DPP6: variants seen among roughly 807,000 people sequenced by gnomAD.
DPP6 encodes the protein dipeptidyl peptidase like 6, also known as A-type potassium channel modulatory protein DPP6.
In DPP6, 69 loss-of-function variants were observed where a neutral mutation model predicts 122.6. That is an observed-to-expected ratio of 0.56 (90% CI 0.46 to 0.69). DPP6 has a LOEUF of 0.69. DPP6 is among the 30% of genes least tolerant of loss of function. The pLI is 0.00. For missense variants in DPP6, 928 were observed against 1,116.9 expected, an observed-to-expected ratio of 0.83 and a Z score of 2.41; for synonymous variants, 418 against 433.1, an observed-to-expected ratio of 0.97 and a Z score of 0.43.
At chr7:154,182,391 C>T (rs922178214) in intron 1 of DPP6, among the ~76,000 whole-genome samples, 3 of 152,268 alleles carry the variant, frequency 2.0e-5, no homozygotes, top group African/African-American at 4.8e-5. Context: ...CTGTCCCCCT[C>T]CTCATGCTGG....
intron 1 of DPP6, among the ~76,000 whole-genome samples, chr7:153,983,059 C>T (rs1796672670): frequency 6.6e-6 from 1 of 152,210 alleles, no homozygotes; most frequent in African/African-American, 2.4e-5. Context: ...TGTCCCTTAG[C>T]AGAGCTTGAG....
chr7:154,443,931 G>A (rs191391313), intron 1 of DPP6, among the ~76,000 whole-genome samples: 41 of 152,160 alleles, frequency 2.7e-4, no homozygotes, highest in African/African-American at 8.9e-4. Flanking sequence ...TCAGTGTGCC[G>A]GGGGACAACC....
chr7:154,700,921 C>G (rs1433061685), intron 7 of DPP6, among the ~76,000 whole-genome samples: 1 of 152,138 alleles, frequency 6.6e-6, no homozygotes, highest in Non-Finnish European at 1.5e-5. Context: ...AGAGACCTTC[C>G]CATCAGACAG....
At chr7:154,526,629 A>G (rs1371939387) in intron 3 of DPP6, among the ~76,000 whole-genome samples, 1 of 152,214 alleles carries the variant, frequency 6.6e-6, no homozygotes, top group East Asian at 1.9e-4. Flanking sequence ...ACAGTTCTAG[A>G]TTATAAATAT....
chr7:154,202,323 G>A (rs193125564), intron 1 of DPP6, among the ~76,000 whole-genome samples: 3 of 152,264 alleles, frequency 2.0e-5, no homozygotes, highest in Non-Finnish European at 4.4e-5. Context: ...GTAAAAATAC[G>A]GTGACAATAA....
intron 1 of DPP6, among the ~76,000 whole-genome samples, chr7:154,194,033 AT>A (rs1270466476): frequency 6.6e-6 from 1 of 152,208 alleles, no homozygotes; most frequent in Non-Finnish European, 1.5e-5. Context: ...GTCTAGGAAA[AT>A]GGGTGACTCG....
chr7:153,770,028 A>T, the DPP6 span, among the ~76,000 whole-genome samples: 1 of 152,120 alleles, frequency 6.6e-6, no homozygotes, highest in Non-Finnish European at 1.5e-5. Context: ...ATTCACAGGG[A>T]AGCCTGGGAA....
intron 3 of DPP6, among the ~76,000 whole-genome samples, chr7:154,500,986 C>T (rs1457183053): frequency 6.6e-6 from 1 of 152,190 alleles, no homozygotes; most frequent in Non-Finnish European, 1.5e-5. Context: ...CTGAGGTGGT[C>T]TCAGACAGAG....
chr7:154,175,720 G>GTTT, intron 1 of DPP6, among the ~76,000 whole-genome samples: 1 of 108,324 alleles, frequency 9.2e-6, no homozygotes. Flanking sequence ...CTGGAGACTG[G>GTTT]CTTTTTTTTT....
intron 3 of DPP6, among the ~76,000 whole-genome samples, chr7:154,531,349 C>T (rs537330540): frequency 6.6e-6 from 1 of 152,008 alleles, no homozygotes; most frequent in South Asian, 2.1e-4. Flanking sequence ...CCATGGTGAC[C>T]AGAAGAGAGT....
intron 1 of DPP6, among the ~76,000 whole-genome samples, chr7:154,150,292 C>T (rs1796344651): frequency 6.6e-6 from 1 of 152,192 alleles, no homozygotes; most frequent in African/African-American, 2.4e-5. Context: ...GCCCTCAGCA[C>T]TTGGGCACCC....
intron 1 of DPP6, among the ~76,000 whole-genome samples, chr7:154,314,364 ATCT>A (rs1321211014): frequency 6.6e-6 from 1 of 152,220 alleles, no homozygotes; most frequent in South Asian, 2.1e-4. Context: ...TGCTACTTGA[ATCT>A]TCTTATTTTC....
chr7:154,129,370 C>T (rs1454991851), intron 1 of DPP6, among the ~76,000 whole-genome samples: 2 of 152,090 alleles, frequency 1.3e-5, no homozygotes, highest in African/African-American at 2.4e-5. Context: ...AAACTGTGGA[C>T]CAGAGTTCAT....
chr7:154,039,334 G>A (rs576589553), intron 1 of DPP6, among the ~76,000 whole-genome samples: 22 of 146,096 alleles, frequency 1.5e-4, no homozygotes, highest in Non-Finnish European at 3.1e-4. Flanking sequence ...TTTCTTGGAC[G>A]ATGAATCTGT....
chr7:154,446,204 C>T lies in DPP6; in HGVS notation c.244-10C>T. 1 of 1,564,416 alleles carries T rather than the reference C, an allele frequency of 6.4e-7. No individual in the cohort carries two copies. The highest frequency in any genetic ancestry group is 8.7e-7 in the Non-Finnish European group (1 of 1,149,186). ...CTCACTGGGGTTTTCTTTGTTGTTG[C>T]TGTTTTTAGGAGCTGGTGGGGAGTA... On this transcript the variant is annotated splice_polypyrimidine_tract_variant and intron_variant, in intron 1 of 25. Coordinates refer to ENST00000377770, the MANE Select transcript of DPP6 (RefSeq NM_130797.4).
intron 21 of DPP6, among the ~76,000 whole-genome samples, chr7:154,883,361 C>T (rs1480214745): frequency 6.8e-6 from 1 of 146,900 alleles, no homozygotes; most frequent in Admixed American, 6.9e-5. Flanking sequence ...CACACACATG[C>T]TCACACACAC....
At chr7:154,310,176 G>C (rs1284855483) in intron 1 of DPP6, among the ~76,000 whole-genome samples, 1 of 152,226 alleles carries the variant, frequency 6.6e-6, no homozygotes, top group Non-Finnish European at 1.5e-5. Flanking sequence ...GTGGGTCCTT[G>C]AGCTGATGGG....
intron 2 of DPP6, among the ~76,000 whole-genome samples, chr7:154,455,716 T>C (rs1820764882): frequency 6.6e-6 from 1 of 152,188 alleles, no homozygotes; most frequent in Non-Finnish European, 1.5e-5. Context: ...GAGCCATTTT[T>C]CTAAAGGATG....
At position 154,475,847 on chromosome 7, in the gene DPP6, T is replaced by C. The variant is rs1161162645; in HGVS notation, c.457+810T>C. ...TTTATCCTCAGGCCAGAGAACTTTA[T>C]AGTGATCAAAGTCTAGTTCAGATCC... On this transcript the variant is annotated intron_variant, in intron 3 of 25. Coordinates refer to ENST00000377770, the MANE Select transcript of DPP6 (RefSeq NM_130797.4). 3 of 152,448 alleles carry C rather than the reference T, an allele frequency of 2.0e-5. No individual in the cohort carries two copies. The East Asian group carries it at 5.8e-4, about 29-fold the overall frequency. The allele number at this position is 152,448 out of a possible 1,614,324, so 9.4% of individuals were successfully genotyped here. A position where few individuals can be genotyped will look rare whatever the true frequency, so the allele number is the denominator to read the frequency against.
Sources: gnomAD v4.1 joint callset for allele counts (sites outside exome capture counted in the v4.1 genomes callset) on GRCh38, gnomAD v4.1.1 for gene constraint, MANE v1.5 for transcripts, NCBI Gene and HGNC (gene_info 2026-07-23, HGNC 2026-07-21) for gene names.